RRBP1: variants seen among roughly 807,000 people sequenced by gnomAD.
The protein encoded by RRBP1 is ribosome binding protein 1.
Under a neutral mutation model 165.2 loss-of-function variants are expected in RRBP1, and 94 were observed. The ratio of observed to expected loss-of-function variants is 0.57; its 90% CI spans 0.48 to 0.68. RRBP1 has a LOEUF of 0.68. Ranked by LOEUF, RRBP1 falls within the 30% of genes least tolerant of loss-of-function variation. RRBP1 has a pLI of 0.00. For synonymous variants in RRBP1, 680 were observed against 714.5 expected, an observed-to-expected ratio of 0.95 and a Z score of 0.77; for missense variants, 1,676 against 1,763.0, an observed-to-expected ratio of 0.95 and a Z score of 0.88.
chr20:17,637,302 C>T (rs930679133), intron 5 of RRBP1, among the ~76,000 whole-genome samples: 1 of 152,068 alleles, frequency 6.6e-6, no homozygotes, highest in Non-Finnish European at 1.5e-5. Context: ...ACATGGATGC[C>T]GAGTCTGGGG....
intron 5 of RRBP1, among the ~76,000 whole-genome samples, chr20:17,637,301 C>T (rs1373925310): frequency 6.6e-6 from 1 of 152,224 alleles, no homozygotes; most frequent in African/African-American, 2.4e-5. Context: ...AACATGGATG[C>T]CGAGTCTGGG....
At position 17,643,984 on chromosome 20, in the gene RRBP1, A is replaced by G. The variant is rs1425429519; in HGVS notation, c.1913-857T>C. On this transcript the variant is annotated intron_variant, in intron 3 of 24. Coordinates refer to ENST00000377813, the MANE Select transcript of RRBP1 (RefSeq NM_001365613.2). This position sits in a 1 kb window ranked among gnomAD's most constrained non-coding sequence, Gnocchi z 4.3. ...CTGGACTCTTCCACAGCTGAATGAC[A>G]GCACTAAAAATGAGCCAAATCAGAG... 1.3e-5 allele frequency among the ~76,000 whole-genome samples: 2 copies of G among 152,214 alleles called. No homozygotes were observed. The highest frequency in any genetic ancestry group is 6.5e-5 in the Admixed American group (1 of 15,284).
intron 3 of RRBP1, among the ~76,000 whole-genome samples, chr20:17,655,325 C>G (rs1419826978): frequency 6.6e-6 from 1 of 152,206 alleles, no homozygotes; most frequent in East Asian, 1.9e-4. Context: ...TGCTTTTTGA[C>G]TTTTGAAGAG....
rs560650185 is a variant in RRBP1 at position 17,613,862 on chromosome 20, TGACA to T, written c.*316_*319del. On this transcript the variant is annotated 3_prime_UTR_variant, in exon 25 of 25. Transcript: ENST00000377813. ...CTGAAAAAACACTAAACGATTGCAC[TGACA>T]GACAGACCCCAGAGCGCCCGGCCTC... The T allele has an allele frequency of 1.5e-4, 38 of 251,474 alleles. 1 individual carries two copies. The highest frequency in any genetic ancestry group is 4.9e-4 in the African/African-American group (22 of 44,480). 15.6% of individuals were successfully genotyped at this position (251,474 alleles called of 1,614,324 possible).
At chr20:17,667,184 T>C (rs1241792718) in intron 2 of RRBP1, among the ~76,000 whole-genome samples, 2 of 152,238 alleles carry the variant, frequency 1.3e-5, no homozygotes, top group Non-Finnish European at 2.9e-5. Context: ...GGTAGGGTTT[T>C]CTGTTCTTTG....
Position 17,658,872 on chromosome 20 carries a change from G to A in RRBP1, c.1636C>T (p.Gln546Ter). Reference protein sequence around the residue: ...QGKKGEGAPIQGKKADSVANQ... With the variant: ...QGKKGEGAPI The stretch of plus-strand genomic sequence containing the variant: ...GCAACCGAATCTGCCTTTTTGCCCT[G>A]GATGGGAGCTCCCTCTCCTTTTTTG... The change falls in exon 3 of 25, where the codon CAG (glutamine) becomes TAG (stop). Residue 546 changes from glutamine (Q) to a stop codon, truncating the protein, a stop_gained. Transcript: ENST00000377813. LOFTEE classifies it high-confidence loss of function. 1 of 1,613,730 alleles carries A rather than the reference G, an allele frequency of 6.2e-7. No homozygotes were observed.
chr20:17,625,645 TACAGCCCCTACAGA>T, intron 11 of RRBP1, 43 bp from the exon 12 acceptor site: 1 of 1,508,912 alleles, frequency 6.6e-7, no homozygotes, highest in Non-Finnish European at 9.2e-7. Flanking sequence ...TCCAAGGGGC[TACAGCCCCTACAGA>T]TCCCACCTGA....
At chr20:17,640,914 T>C (rs2036343624) in intron 5 of RRBP1, among the ~76,000 whole-genome samples, 1 of 152,204 alleles carries the variant, frequency 6.6e-6, no homozygotes, top group Non-Finnish European at 1.5e-5. Flanking sequence ...CAGACACTGT[T>C]GGACAGTCCA....
intron 9 of RRBP1, 31 bp from the exon 10 acceptor site, chr20:17,627,713 A>G (rs766890672): frequency 6.4e-7 from 1 of 1,555,950 alleles, no homozygotes; most frequent in Non-Finnish European, 8.7e-7. Flanking sequence ...CGAGAAGTTA[A>G]GAGACTGCAA....
chr20:17,615,844 G>T, intron 22 of RRBP1, 82 bp downstream of exon 22: 1 of 1,257,786 alleles, frequency 8.0e-7, no homozygotes. Flanking sequence ...CAGCCGAGCG[G>T]GGCAGGGCTG....
chr20:17,618,341 CA>C (rs1979228706), intron 20 of RRBP1, among the ~76,000 whole-genome samples: 1 of 152,184 alleles, frequency 6.6e-6, no homozygotes, highest in African/African-American at 2.4e-5. Context: ...CTACCTTGAA[CA>C]GGGGACCAGG....
At chr20:17,614,903 G>T in intron 23 of RRBP1, 23 bp from the exon 24 acceptor site, 2 of 1,610,760 alleles carry the variant, frequency 1.2e-6, no homozygotes, top group Non-Finnish European at 8.5e-7. Context: ...AGGTTGACGG[G>T]CATCAGCCCT....
chr20:17,669,372 C>A (rs143495099), intron 2 of RRBP1, among the ~76,000 whole-genome samples: 2 of 152,332 alleles, frequency 1.3e-5, no homozygotes, highest in African/African-American at 4.8e-5. Flanking sequence ...AGGAAGACAG[C>A]ATGCCTATGC....
chr20:17,651,538 C>T (rs1267537335), intron 3 of RRBP1, among the ~76,000 whole-genome samples: 1 of 152,186 alleles, frequency 6.6e-6, no homozygotes, highest in Non-Finnish European at 1.5e-5. Context: ...GTGGCAGTTT[C>T]GCAGGTGCAA....
rs149205655 is a variant in RRBP1, at chr20:17,625,695, C to G, written c.2964-93G>C. ...GGCCCCATCCAGGGAGGAGTACCTT[C>G]GAGGCTGAACCATCTGGCCAGGGAC... On this transcript the variant is annotated intron_variant, in intron 11 of 24. Transcript: ENST00000377813. 2.0e-5 allele frequency: 21 copies of G among 1,041,622 alleles called. No individual in the cohort carries two copies. In the South Asian group the frequency reaches 2.3e-4, roughly 11 times the overall value. 64.5% of individuals were successfully genotyped at this position (1,041,622 alleles called of 1,614,324 possible). A position where few individuals can be genotyped will look rare whatever the true frequency, so the allele number is the denominator to read the frequency against.
intron 5 of RRBP1, among the ~76,000 whole-genome samples, chr20:17,637,075 C>T (rs772614116): frequency 2.6e-5 from 4 of 152,078 alleles, no homozygotes; most frequent in South Asian, 4.1e-4. Context: ...CCCAGCTTGA[C>T]TCAGTCACCA....
intron 9 of RRBP1, among the ~76,000 whole-genome samples, chr20:17,628,564 C>T (rs1199638923): frequency 6.6e-6 from 1 of 152,230 alleles, no homozygotes; most frequent in Non-Finnish European, 1.5e-5. Context: ...TCTCCTGCCC[C>T]AAGCACTTCT....
At chr20:17,669,437 A>G (rs2036932673) in intron 2 of RRBP1, among the ~76,000 whole-genome samples, 1 of 152,256 alleles carries the variant, frequency 6.6e-6, no homozygotes, top group African/African-American at 2.4e-5. Context: ...AAGATGTGCT[A>G]GCCCACAAGG....
At position 17,678,107 on chromosome 20, in the gene RRBP1, G is replaced by A. The variant is rs1378080078; in HGVS notation, c.-22+1892C>T. Among the ~76,000 whole-genome samples, 5 of 152,344 alleles carry A rather than the reference G, an allele frequency of 3.3e-5. No homozygotes were observed. The East Asian group carries it at 7.7e-4, about 24-fold the overall frequency. On this transcript the variant is annotated intron_variant, in intron 2 of 24. Coordinates refer to ENST00000377813, the MANE Select transcript of RRBP1 (RefSeq NM_001365613.2). ...CACATGTTACTGAATGCACATAAAG[G>A]ACACACACGTCTGGTTTTGGGGGTG...
Sources: allele counts gnomAD v4.1 joint callset (sites outside exome capture counted in the v4.1 genomes callset), GRCh38; gene constraint gnomAD v4.1.1; non-coding constraint Gnocchi (gnomAD v3.1); transcripts MANE v1.5; gene names NCBI Gene and HGNC (gene_info 2026-07-23, HGNC 2026-07-21).